Variants in RNF11 observed in about 807,000 individuals in gnomAD.
RNF11 encodes the protein ring finger protein 11.
Under a neutral mutation model 15.8 loss-of-function variants are expected in RNF11, and 4 were observed. The ratio of observed to expected loss-of-function variants is 0.25; its 90% CI spans 0.12 to 0.58. The LOEUF (loss-of-function observed/expected upper bound fraction) is 0.58, where lower values mean the gene tolerates loss of function less well. RNF11 is among the 20% of genes least tolerant of loss of function. The probability of loss-of-function intolerance (pLI) is 0.91; values close to 1 mark genes in which losing one functional copy is unlikely to be tolerated. For missense variants in RNF11, 139 were observed against 194.4 expected (o/e 0.71, Z 1.70); for synonymous variants, 68 against 72.3 (o/e 0.94, Z 0.30).
intron 1 of RNF11, among the ~76,000 whole-genome samples, chr1:51,265,621 C>T (rs1255873493): frequency 1.3e-5 from 2 of 152,136 alleles, no homozygotes; most frequent in Non-Finnish European, 2.9e-5. Context: ...TTTAAACTCA[C>T]AGGGCAAGCC....
chr1:51,241,282 A>G (rs1459729998), intron 1 of RNF11, among the ~76,000 whole-genome samples: 2 of 152,020 alleles, frequency 1.3e-5, no homozygotes, highest in African/African-American at 2.4e-5. Context: ...TATTTCCTTT[A>G]GAGATGAGGT....
chr1:51,255,549 A>C (rs1646900654), intron 1 of RNF11, among the ~76,000 whole-genome samples: 2 of 152,184 alleles, frequency 1.3e-5, no homozygotes, highest in African/African-American at 4.8e-5. Context: ...GGGCGACTGC[A>C]CCCAGCTGTG....
intron 1 of RNF11, among the ~76,000 whole-genome samples, chr1:51,255,811 T>G (rs1646901929): frequency 6.6e-6 from 1 of 152,244 alleles, no homozygotes; most frequent in Non-Finnish European, 1.5e-5. Flanking sequence ...TCTGGACTCT[T>G]CTGTTCCATT....
intron 1 of RNF11, among the ~76,000 whole-genome samples, chr1:51,253,107 G>A (rs1049082986): frequency 1.2e-4 from 18 of 152,124 alleles, no homozygotes; most frequent in Non-Finnish European, 2.4e-4. Context: ...TTACAGATGC[G>A]ATCCACCACG....
chr1:51,264,825 G>A (rs1646947780), intron 1 of RNF11: 2 of 152,126 alleles, frequency 1.3e-5, no homozygotes, highest in African/African-American at 2.4e-5. Flanking sequence ...AACTTTTAAT[G>A]TAGTGCCCTT....
At chr1:51,243,398 A>T (rs979027245) in intron 1 of RNF11, among the ~76,000 whole-genome samples, 2 of 152,038 alleles carry the variant, frequency 1.3e-5, no homozygotes, top group African/African-American at 4.8e-5. Context: ...TTCATCCCGG[A>T]TCAGATCACT....
chr1:51,264,964 A>G (rs971356590), intron 1 of RNF11: 16 of 152,214 alleles, frequency 1.1e-4, no homozygotes, highest in African/African-American at 3.9e-4. Context: ...TTAACAAACA[A>G]CCGGAATGCT....
intron 1 of RNF11, among the ~76,000 whole-genome samples, chr1:51,263,325 A>G (rs1044243854): frequency 6.6e-6 from 1 of 152,230 alleles, no homozygotes; most frequent in Non-Finnish European, 1.5e-5. Context: ...AAGGAATGCA[A>G]TTCTGATAAA....
intron 1 of RNF11, chr1:51,265,946 G>A (rs1369314462): frequency 6.6e-6 from 1 of 152,130 alleles, no homozygotes; most frequent in Non-Finnish European, 1.5e-5. Context: ...CCGCCTCCCA[G>A]GTTCAAGCAA....
chr1:51,245,487 C>T (rs1184558604), intron 1 of RNF11, among the ~76,000 whole-genome samples: 2 of 151,266 alleles, frequency 1.3e-5, no homozygotes, highest in Non-Finnish European at 2.9e-5. Flanking sequence ...AGTCTTACTC[C>T]ATCGCCCAGG....
At chr1:51,257,601 A>G (rs1646909531) in intron 1 of RNF11, among the ~76,000 whole-genome samples, 1 of 151,822 alleles carries the variant, frequency 6.6e-6, no homozygotes, top group Admixed American at 6.6e-5. Flanking sequence ...GGGATTACAG[A>G]TGTACACCAC....
intron 1 of RNF11, among the ~76,000 whole-genome samples, chr1:51,244,178 T>C (rs755669478): frequency 1.9e-4 from 29 of 152,356 alleles, no homozygotes; most frequent in African/African-American, 7.0e-4. Flanking sequence ...TTGCTAGAAC[T>C]ACAATTTTCA....
At chr1:51,244,308 C>T (rs1450338899) in intron 1 of RNF11, among the ~76,000 whole-genome samples, 4 of 152,084 alleles carry the variant, frequency 2.6e-5, no homozygotes, top group Admixed American at 2.0e-4. Context: ...TAGTGTTTGG[C>T]CTATCACTTC....
chr1:51,252,081 C>CAAAAAAAAAAAAAAAAAAAAAAAAACA, intron 1 of RNF11, among the ~76,000 whole-genome samples: 1 of 53,636 alleles, frequency 1.9e-5, no homozygotes, highest in Admixed American at 2.2e-4. Context: ...CATCTCAAAG[C>CAAAAAAAAAAAAAAAAAAAAAAAAACA]AAAAAAAAAA....
intron 1 of RNF11, among the ~76,000 whole-genome samples, chr1:51,254,140 T>A (rs1388713347): frequency 2.6e-5 from 4 of 152,180 alleles, no homozygotes; most frequent in Admixed American, 2.0e-4. Flanking sequence ...ATTGGGGGGT[T>A]CCCCCTAAAA....
At chr1:51,240,278 C>T (rs927452947) in intron 1 of RNF11, among the ~76,000 whole-genome samples, 2 of 152,242 alleles carry the variant, frequency 1.3e-5, no homozygotes, top group African/African-American at 4.8e-5. Context: ...CATTGCTATT[C>T]TAGGACCTTT....
intron 1 of RNF11, among the ~76,000 whole-genome samples, chr1:51,258,307 C>T (rs1646914754): frequency 1.3e-5 from 2 of 152,144 alleles, no homozygotes; most frequent in South Asian, 4.1e-4. Flanking sequence ...GCTGGAGATC[C>T]TCTTCATTTT....
At chr1:51,247,301 A>C (rs1349459071) in intron 1 of RNF11, among the ~76,000 whole-genome samples, 1 of 151,998 alleles carries the variant, frequency 6.6e-6, no homozygotes, top group Non-Finnish European at 1.5e-5. Flanking sequence ...CTACAGCCGC[A>C]AACTCTTGAG....
At position 51,245,491 on chromosome 1, in the gene RNF11, G is replaced by A. The variant is rs140312292; in HGVS notation, c.123+8612G>A. The stretch of plus-strand genomic sequence containing the variant: ...TTTGGAGATGGAGTCTTACTCCATC[G>A]CCCAGGCTGGAGTGCAGTGGTGCAG... On this transcript the variant is annotated intron_variant, in intron 1 of 2. Coordinates refer to ENST00000242719, the MANE Select transcript of RNF11 (RefSeq NM_014372.5). 8.2e-4 allele frequency among the ~76,000 whole-genome samples: 124 copies of A among 151,274 alleles called. No individual in the cohort carries two copies. The East Asian group carries it at 0.02, about 24-fold the overall frequency.
Sources: gnomAD v4.1 joint callset for allele counts (sites outside exome capture counted in the v4.1 genomes callset) on GRCh38, gnomAD v4.1.1 for gene constraint, MANE v1.5 for transcripts, NCBI Gene and HGNC (gene_info 2026-07-23, HGNC 2026-07-21) for gene names.